The following ALCAM variants were observed in gnomAD, a reference collection of about 807,000 sequenced individuals.
ALCAM encodes the protein activated leukocyte cell adhesion molecule, also known as CD166 antigen.
In ALCAM, 30 loss-of-function variants were observed where a neutral mutation model predicts 70.9. That is an observed-to-expected ratio of 0.42 (90% CI 0.32 to 0.57). The LOEUF is 0.57. Ranked by LOEUF, ALCAM falls within the 20% of genes least tolerant of loss-of-function variation. The pLI is 0.11. For missense variants in ALCAM, 591 were observed against 695.1 expected, an observed-to-expected ratio of 0.85 and a Z score of 1.68; for synonymous variants, 249 against 242.5, an observed-to-expected ratio of 1.03 and a Z score of -0.25.
At chr3:105,547,614 C>T in intron 11 of ALCAM, 91 bp downstream of exon 11, 2 of 1,496,636 alleles carry the variant, frequency 1.3e-6, no homozygotes, top group Non-Finnish European at 1.8e-6. Context: ...TTTGTTACCA[C>T]ATAAAATTTG....
At chr3:105,484,071 A>C (rs556333039) in intron 1 of ALCAM, among the ~76,000 whole-genome samples, 1 of 152,104 alleles carries the variant, frequency 6.6e-6, no homozygotes, top group Non-Finnish European at 1.5e-5. Flanking sequence ...TATTACATAC[A>C]GTATTAGAGG....
At chr3:105,462,538 A>G (rs1467059125) in intron 1 of ALCAM, among the ~76,000 whole-genome samples, 1 of 151,524 alleles carries the variant, frequency 6.6e-6, no homozygotes, top group Non-Finnish European at 1.5e-5. Context: ...TACATTATGT[A>G]TCAAAGGACC....
intron 1 of ALCAM, among the ~76,000 whole-genome samples, chr3:105,473,713 C>T (rs1160864158): frequency 1.3e-5 from 2 of 151,528 alleles, no homozygotes; most frequent in African/African-American, 4.8e-5. Flanking sequence ...TCTCTCAAAG[C>T]ACATTATGAC....
At chr3:105,510,029 T>G (rs1350130876) in intron 1 of ALCAM, among the ~76,000 whole-genome samples, 1 of 152,096 alleles carries the variant, frequency 6.6e-6, no homozygotes, top group African/African-American at 2.4e-5. Context: ...ACGGTTATGA[T>G]CTGCCTAATT....
intron 1 of ALCAM, among the ~76,000 whole-genome samples, chr3:105,464,519 A>G (rs1435909781): frequency 6.6e-6 from 1 of 151,276 alleles, no homozygotes; most frequent in African/African-American, 2.4e-5. Flanking sequence ...TTATAAGCAT[A>G]TTAGGACAAA....
chr3:105,397,406 G>A (rs948245441), intron 1 of ALCAM, among the ~76,000 whole-genome samples: 2 of 151,906 alleles, frequency 1.3e-5, no homozygotes, highest in African/African-American at 4.8e-5. Flanking sequence ...ATTATGTTAT[G>A]TTGAATAACA....
intron 1 of ALCAM, among the ~76,000 whole-genome samples, chr3:105,434,204 G>A (rs1457420856): frequency 1.3e-5 from 2 of 152,110 alleles, no homozygotes; most frequent in East Asian, 3.8e-4. Flanking sequence ...CTAACACAGA[G>A]CTTTTCATCC....
At chr3:105,495,610 G>A (rs1457846393) in intron 1 of ALCAM, among the ~76,000 whole-genome samples, 53 of 152,284 alleles carry the variant, frequency 3.5e-4, no homozygotes, top group Non-Finnish European at 1.2e-4. Context: ...ATTTTTATAT[G>A]AAGAACCTGA....
chr3:105,527,620 G>A (rs1196861671), intron 3 of ALCAM, among the ~76,000 whole-genome samples: 1 of 151,820 alleles, frequency 6.6e-6, no homozygotes, highest in Non-Finnish European at 1.5e-5. Context: ...AAACAGAGGA[G>A]TTGCTCCAGC....
chr3:105,388,871 G>A (rs765294960), intron 1 of ALCAM, among the ~76,000 whole-genome samples: 6 of 151,506 alleles, frequency 4.0e-5, no homozygotes, highest in Non-Finnish European at 8.9e-5. Flanking sequence ...GTTTTAGATA[G>A]TAAAGATTGA....
chr3:105,524,062 A>C (rs542392744), intron 2 of ALCAM, among the ~76,000 whole-genome samples: 17 of 152,174 alleles, frequency 1.1e-4, no homozygotes, highest in South Asian at 2.1e-4. Context: ...ATGAAAAAAA[A>C]ATCTGATTCC....
At chr3:105,573,380 G>A (rs566080327) in intron 15 of ALCAM, among the ~76,000 whole-genome samples, 13 of 150,392 alleles carry the variant, frequency 8.6e-5, no homozygotes, top group African/African-American at 2.2e-4. Flanking sequence ...TAATAAAAGC[G>A]TGAGTGTATT....
chr3:105,395,309 C>T (rs1935922804), intron 1 of ALCAM, among the ~76,000 whole-genome samples: 1 of 151,948 alleles, frequency 6.6e-6, no homozygotes, highest in South Asian at 2.1e-4. Context: ...ATGTTTCATA[C>T]AGTGTCACTG....
intron 1 of ALCAM, among the ~76,000 whole-genome samples, chr3:105,446,453 C>A (rs1238647763): frequency 1.3e-5 from 2 of 152,112 alleles, no homozygotes; most frequent in Non-Finnish European, 2.9e-5. Flanking sequence ...TAAAATCCAG[C>A]AGTTGCACTA....
At chr3:105,489,062 A>G (rs1057055365) in intron 1 of ALCAM, among the ~76,000 whole-genome samples, 2 of 152,202 alleles carry the variant, frequency 1.3e-5, no homozygotes, top group Admixed American at 6.5e-5. Flanking sequence ...AAAGGCATCC[A>G]TGAAGGTGGA....
At chr3:105,443,531 T>C (rs1937225861) in intron 1 of ALCAM, among the ~76,000 whole-genome samples, 1 of 152,204 alleles carries the variant, frequency 6.6e-6, no homozygotes, top group Admixed American at 6.5e-5. Flanking sequence ...TAAGAATTCA[T>C]TAATAAAAAG....
intron 1 of ALCAM, among the ~76,000 whole-genome samples, chr3:105,474,372 C>G (rs1467190665): frequency 3.3e-5 from 5 of 151,588 alleles, no homozygotes; most frequent in Non-Finnish European, 4.4e-5. Flanking sequence ...TAAAGTAATT[C>G]TTAGACTAGA....
intron 1 of ALCAM, among the ~76,000 whole-genome samples, chr3:105,420,697 A>G (rs1292621358): frequency 6.6e-6 from 1 of 151,672 alleles, no homozygotes; most frequent in Non-Finnish European, 1.5e-5. Context: ...GCTTCTAAAG[A>G]TCTAGAGACA....
At chr3:105,397,147 C>T (rs1935975554) in intron 1 of ALCAM, among the ~76,000 whole-genome samples, 1 of 151,968 alleles carries the variant, frequency 6.6e-6, no homozygotes, top group African/African-American at 2.4e-5. Context: ...ATGATGAGGC[C>T]ATTACTCTGC....
Sources: gnomAD v4.1 joint callset for allele counts (sites outside exome capture counted in the v4.1 genomes callset) on GRCh38, gnomAD v4.1.1 for gene constraint, MANE v1.5 for transcripts, NCBI Gene and HGNC (gene_info 2026-07-23, HGNC 2026-07-21) for gene names.